Variants in DDX46 observed in about 807,000 individuals in gnomAD.
DDX46 encodes DEAD-box helicase 46.
Under a neutral mutation model 134.9 loss-of-function variants are expected in DDX46, and 30 were observed. The observed-to-expected ratio is 0.22, with a 90% CI of 0.17 to 0.30. The LOEUF (loss-of-function observed/expected upper bound fraction) is 0.30, where lower values mean the gene tolerates loss of function less well. Ranked by LOEUF, DDX46 falls within the 10% of genes least tolerant of loss-of-function variation. DDX46 has a pLI of 1.00. For synonymous variants in DDX46, 415 were observed against 404.1 expected (o/e 1.03, Z -0.32); for missense variants, 622 against 1,248.7 (o/e 0.50, Z 7.56).
In DDX46 at chr5:134,766,937, G is replaced by C; in HGVS notation, c.227G>C (p.Arg76Thr). ...TTCAGACGTTCCAGAAGTAGAGAGA[G>C]AGACAGAAGCCGAGAGCGAAGAAGA... Reference protein sequence around the residue: ...KRLRRSRSRERDRSRERRRSR... With the variant: ...KRLRRSRSRETDRSRERRRSR... Residue 76 changes from arginine (R) to threonine (T), a missense_variant, in exon 3 of 23, where the codon AGA (arginine) becomes ACA (threonine). By Grantham distance (71) the Arg-to-Thr change is moderately conservative. Coordinates refer to ENST00000452510, the MANE Select transcript of DDX46 (RefSeq NM_001300860.2). 1 of 1,613,858 alleles carries C rather than the reference G, an allele frequency of 6.2e-7. No individual in the cohort carries two copies.
rs1226981793 is a variant in DDX46, at chr5:134,829,396, C to T, written c.*690C>T. 3.3e-5 allele frequency: 5 copies of T among 152,180 alleles called. No individual in the cohort carries two copies. The highest frequency in any genetic ancestry group is 1.2e-4 in the African/African-American group (5 of 41,440). 9.4% of individuals were successfully genotyped at this position (152,180 alleles called of 1,614,324 possible). A position where few individuals can be genotyped will look rare whatever the true frequency, so the allele number is the denominator to read the frequency against. ...TTCCCTCACAACTTCTGGCTCCATACCTAGCCCCTCTTTTATAATCTTCCT... is the reference window on the plus strand; with the variant it reads ...TTCCCTCACAACTTCTGGCTCCATATCTAGCCCCTCTTTTATAATCTTCCT... On this transcript the variant is annotated 3_prime_UTR_variant, in exon 23 of 23. Transcript: ENST00000452510.
Position 134,766,989 on chromosome 5 carries a change from A to G in DDX46, c.279A>G (p.Ser93=). ...CTCGAAGTAGAGACAGGAGACGCTC[A>G]AGGAGTAGAAGCCGGGGCCGGCGAT... ...RRSRSRDRRR[S]RSRSRGRRSR... is the part of the protein sequence containing the mutation. Residue 93 remains serine, a synonymous_variant, in exon 3 of 23, where the codon TCA becomes TCG. Transcript: ENST00000452510. 6.2e-7 allele frequency: 1 copy of G among 1,614,202 alleles called. No individual in the cohort carries two copies.
At position 134,828,893 on chromosome 5, in the gene DDX46, A is replaced by G. The variant is rs1473220310; in HGVS notation, c.*187A>G. 7.8e-6 allele frequency: 3 copies of G among 384,664 alleles called. No individual in the cohort carries two copies. The highest frequency in any genetic ancestry group is 1.4e-5 in the Non-Finnish European group (3 of 218,964). The allele number at this position is 384,664 out of a possible 1,614,324, so 23.8% of individuals were successfully genotyped here. A position where few individuals can be genotyped will look rare whatever the true frequency, so the allele number is the denominator to read the frequency against. ...GTACCCCCACAATCAGTCAAACTATATTTAAAGCCAGCCTGTTTTCAGAGT... is the reference window on the plus strand; with the variant it reads ...GTACCCCCACAATCAGTCAAACTATGTTTAAAGCCAGCCTGTTTTCAGAGT... On this transcript the variant is annotated 3_prime_UTR_variant, in exon 23 of 23. Transcript: ENST00000452510.
chr5:134,815,424 G>A (rs73299335), intron 18 of DDX46, among the ~76,000 whole-genome samples: 2,199 of 151,960 alleles, frequency 0.014, 42 homozygotes, highest in African/African-American at 0.051. Flanking sequence ...AATGCACATA[G>A]CAGGCTGGCG....
chr5:134,777,871 T>A, intron 6 of DDX46, 146 bp downstream of exon 6: 1 of 839,506 alleles, frequency 1.2e-6, no homozygotes, highest in Non-Finnish European at 1.7e-6. Context: ...TTTTTCTGAG[T>A]ACCAGAGATA....
chr5:134,769,745 C>T (rs990531536), intron 3 of DDX46, among the ~76,000 whole-genome samples: 15 of 152,090 alleles, frequency 9.9e-5, no homozygotes, highest in Non-Finnish European at 2.1e-4. Context: ...CAGGGTTTCA[C>T]CATGTTGGTC....
Position 134,784,499 on chromosome 5 carries a change from A to G in DDX46, c.1300A>G (p.Ile434Val), listed in dbSNP as rs1754270376. Reference protein sequence around the residue: ...IAFLLPMFRHIMDQRSLEEGE... With the variant: ...IAFLLPMFRHVMDQRSLEEGE... ...TTTTCTGTTGCCCATGTTTAGACAC[A>G]TCATGGATCAGAGGTCATTAGAGGA... The change falls in exon 10 of 23, where the codon ATC becomes GTC. Residue 434 changes from isoleucine to valine, a missense_variant. By Grantham distance (29) the Ile-to-Val change is conservative (BLOSUM62 3). Coordinates refer to ENST00000452510, the MANE Select transcript of DDX46 (RefSeq NM_001300860.2). 1 of 1,613,888 alleles carries G rather than the reference A, an allele frequency of 6.2e-7. No individual in the cohort carries two copies. Among genetic ancestry groups the G allele is most frequent in the East Asian group, 2.2e-5 (1 of 44,872 alleles).
chr5:134,811,580 G>C, intron 17 of DDX46, 116 bp from the exon 18 acceptor site: 3 of 1,204,084 alleles, frequency 2.5e-6, no homozygotes, highest in South Asian at 3.2e-5. Flanking sequence ...TTACATGCTA[G>C]ATGAAGTGTT....
At chr5:134,820,943 G>A (rs1287845673) in intron 21 of DDX46, among the ~76,000 whole-genome samples, 3 of 143,674 alleles carry the variant, frequency 2.1e-5, no homozygotes, top group Non-Finnish European at 4.5e-5. Flanking sequence ...TCGACTCACT[G>A]CAACTCCCAC....
chr5:134,814,048 T>A (rs1755221682), intron 18 of DDX46, among the ~76,000 whole-genome samples: 1 of 152,232 alleles, frequency 6.6e-6, no homozygotes, highest in Non-Finnish European at 1.5e-5. Flanking sequence ...TAGTTTCCTC[T>A]TTTCTGTGGT....
At chr5:134,797,000 A>G (rs146451715) in intron 15 of DDX46, among the ~76,000 whole-genome samples, 1,597 of 131,468 alleles carry the variant, frequency 0.012, 28 homozygotes, top group Non-Finnish European at 0.017. Context: ...AAAATACAAA[A>G]TTAGCCGAGC....
chr5:134,777,630 G>A lies in DDX46; in HGVS notation c.670G>A (p.Glu224Lys). Residue 224 changes from glutamate (E) to lysine (K), a missense_variant, in exon 6 of 23, where the codon GAG (glutamate) becomes AAG (lysine). Glu to Lys is a moderately conservative substitution (Grantham distance 56). Around this residue, in one of 8 missense-constraint regions of DDX46, gnomAD observed 244 missense variants for 349.3 expected, o/e 0.70. Coordinates refer to ENST00000452510, the MANE Select transcript of DDX46 (RefSeq NM_001300860.2). ...GGAGGGAAATGAAATGGAGGGTGAG[G>A]AGTTAGATCCATTAGATGCTTACAT... ...EKEGNEMEGEELDPLDAYMEE... is the reference protein window; with the variant it reads ...EKEGNEMEGEKLDPLDAYMEE... 2 of 1,613,150 alleles carry A rather than the reference G, an allele frequency of 1.2e-6. No homozygotes were observed. Among genetic ancestry groups the A allele is most frequent in the Non-Finnish European group, 1.7e-6 (2 of 1,179,664 alleles).
At chr5:134,806,853 A>G (rs997617259) in intron 15 of DDX46, among the ~76,000 whole-genome samples, 1 of 152,134 alleles carries the variant, frequency 6.6e-6, no homozygotes, top group African/African-American at 2.4e-5. Context: ...GCATGTCGTA[A>G]TAGAACTTTA....
chr5:134,794,831 A>G lies in DDX46; in HGVS notation c.1627-19A>G. 6.2e-7 allele frequency: 1 copy of G among 1,612,134 alleles called. No homozygotes were observed. Among genetic ancestry groups the G allele is most frequent in the African/African-American group, 1.3e-5 (1 of 74,882 alleles). On this transcript the variant is annotated intron_variant, in intron 13 of 22. Coordinates refer to ENST00000452510, the MANE Select transcript of DDX46 (RefSeq NM_001300860.2). ...GACCATATTTACCATATTTATTTGT[A>G]ATGTTTTCTTTTTCTCAGGTCATGC...
At chr5:134,804,094 A>G (rs1284978495) in intron 15 of DDX46, among the ~76,000 whole-genome samples, 2 of 151,676 alleles carry the variant, frequency 1.3e-5, no homozygotes, top group African/African-American at 4.8e-5. Context: ...CACCATGCCT[A>G]GCCTATTTTT....
At chr5:134,787,920 C>A (rs1252355244) in intron 11 of DDX46, among the ~76,000 whole-genome samples, 1 of 148,264 alleles carries the variant, frequency 6.7e-6, no homozygotes, top group African/African-American at 2.5e-5. Context: ...GGGGGAGGGG[C>A]TGAGATGGGA....
At chr5:134,791,114 G>A (rs775566481) in intron 13 of DDX46, among the ~76,000 whole-genome samples, 26 of 152,294 alleles carry the variant, frequency 1.7e-4, no homozygotes, top group Non-Finnish European at 2.9e-4. Context: ...CACTGTGCCC[G>A]GCCCATTGTC....
chr5:134,797,051 G>A (rs762551778), intron 15 of DDX46: 15 of 205,128 alleles, frequency 7.3e-5, no homozygotes, highest in East Asian at 1.6e-4. Context: ...TTGGGAGGCC[G>A]AGGCAGGAGA....
intron 6 of DDX46, among the ~76,000 whole-genome samples, chr5:134,780,583 T>TAAATAAAC (rs1754118721): frequency 6.7e-6 from 1 of 148,264 alleles, no homozygotes. Flanking sequence ...AATAAATAAA[T>TAAATAAAC]AAATAAATAA....
Sources: gnomAD v4.1 joint callset for allele counts (sites outside exome capture counted in the v4.1 genomes callset) on GRCh38, gnomAD v4.1.1 for gene constraint, gnomAD v4.1.1 regional missense constraint, MANE v1.5 for transcripts, NCBI Gene and HGNC (gene_info 2026-07-23, HGNC 2026-07-21) for gene names.